RAD51B: variants seen among roughly 807,000 people sequenced by gnomAD.
RAD51B encodes DNA repair protein RAD51 homolog 2.
Under a neutral mutation model 42.2 loss-of-function variants are expected in RAD51B, and 38 were observed. The ratio of observed to expected loss-of-function variants is 0.90; its 90% CI spans 0.70 to 1.18. RAD51B has a LOEUF of 1.18. RAD51B is among the 50% of genes most tolerant of loss of function. RAD51B has a pLI of 0.00. For missense variants in RAD51B, 373 were observed against 400.7 expected (o/e 0.93, Z 0.59); for synonymous variants, 154 against 145.2 (o/e 1.06, Z -0.43).
At chr14:68,324,948 A>G (rs949209434) in intron 8 of RAD51B, among the ~76,000 whole-genome samples, 5 of 152,212 alleles carry the variant, frequency 3.3e-5, no homozygotes, top group Non-Finnish European at 5.9e-5. Context: ...ACTCTGTTGT[A>G]TATGTCTCTG....
chr14:68,597,647 G>A (rs1298306367), downstream of RAD51B, among the ~76,000 whole-genome samples: 1 of 152,168 alleles, frequency 6.6e-6, no homozygotes, highest in African/African-American at 2.4e-5. Flanking sequence ...ACTCATGGGT[G>A]GAGGGAGAAG....
intron 7 of RAD51B, among the ~76,000 whole-genome samples, chr14:67,928,456 G>C (rs886495298): frequency 1.3e-5 from 2 of 152,096 alleles, no homozygotes; most frequent in African/African-American, 4.8e-5. Context: ...GGAGGAGGCG[G>C]TGTCTGATTT....
intron 8 of RAD51B, among the ~76,000 whole-genome samples, chr14:68,409,184 G>T (rs1408998274): frequency 1.3e-5 from 2 of 152,208 alleles, no homozygotes; most frequent in African/African-American, 4.8e-5. Context: ...TATCTCAATA[G>T]AGCTGTTTTT....
intron 8 of RAD51B, among the ~76,000 whole-genome samples, chr14:68,410,701 G>A (rs1236991161): frequency 6.6e-6 from 1 of 152,160 alleles, no homozygotes; most frequent in African/African-American, 2.4e-5. Flanking sequence ...GGGGGAAGGA[G>A]CAGGTAGGGA....
At chr14:67,835,986 T>C (rs2041229287) in intron 4 of RAD51B, among the ~76,000 whole-genome samples, 1 of 152,230 alleles carries the variant, frequency 6.6e-6, no homozygotes, top group African/African-American at 2.4e-5. Context: ...ATTATAGTAT[T>C]AAACTAAAGT....
In RAD51B at chr14:68,187,784, A is replaced by G. The variant is rs1182036974; in HGVS notation, c.757-104100A>G. Among the ~76,000 whole-genome samples the G allele has an allele frequency of 3.3e-5, 5 of 152,208 alleles. No individual in the cohort carries two copies. In the South Asian group the frequency reaches 1.0e-3, roughly 32 times the overall value. ...CTGTTTTGCATCTTTTTCTCTTAAT[A>G]CATTTTGGACATATTTTTATTTTAT... On this transcript the variant is annotated intron_variant, in intron 7 of 10. Transcript: ENST00000471583.
At chr14:68,227,619 C>G (rs759080370) in intron 7 of RAD51B, among the ~76,000 whole-genome samples, 28 of 152,124 alleles carry the variant, frequency 1.8e-4, no homozygotes, top group Non-Finnish European at 2.9e-5. Flanking sequence ...GCAATGGTCC[C>G]TTCAGCCCAG....
rs186591986 is a variant in RAD51B at position 68,316,613 on chromosome 14, C to T, written c.853+24633C>T. 5.1e-4 allele frequency among the ~76,000 whole-genome samples: 78 copies of T among 152,264 alleles called. 1 individual carries two copies. The highest frequency in any genetic ancestry group is 4.3e-4 in the Non-Finnish European group (29 of 68,020). ...TCTGTGGCGACTCTCCTTTCCTTCT[C>T]GGCTGTGAGACAGAACAACAGCGCC... On this transcript the variant is annotated intron_variant, in intron 8 of 10. Transcript: ENST00000471583.
At chr14:68,335,271 T>C (rs1160237211) in intron 8 of RAD51B, among the ~76,000 whole-genome samples, 1 of 130,284 alleles carries the variant, frequency 7.7e-6, no homozygotes, top group Non-Finnish European at 1.6e-5. Context: ...CACTCCAGCC[T>C]GGGTGACAGA....
chr14:68,432,973 G>A lies in RAD51B; in HGVS notation c.957+21446G>A, dbSNP rs2140139760. The stretch of plus-strand genomic sequence containing the variant: ...TGACAAAATCTCTCAGCATTTGCTT[G>A]TCTGTAAAGTATTTTATTTTTCCTT... On this transcript the variant is annotated intron_variant, in intron 9 of 10. Transcript: ENST00000471583. 2.0e-5 allele frequency among the ~76,000 whole-genome samples: 3 copies of A among 152,266 alleles called. No homozygotes were observed. In the South Asian group the frequency reaches 6.2e-4, roughly 32 times the overall value.
intron 7 of RAD51B, among the ~76,000 whole-genome samples, chr14:68,151,298 A>C (rs2078373858): frequency 6.6e-6 from 1 of 150,438 alleles, no homozygotes; most frequent in South Asian, 2.1e-4. Flanking sequence ...GTTCCTCTGC[A>C]TATATATATA....
intron 7 of RAD51B, among the ~76,000 whole-genome samples, chr14:67,948,412 A>G (rs897483215): frequency 3.3e-5 from 5 of 152,198 alleles, no homozygotes; most frequent in Non-Finnish European, 5.9e-5. Flanking sequence ...CTGGAGATAT[A>G]TGCAACCCAG....
chr14:67,825,116 ACT>A (rs1375116383), intron 2 of RAD51B, among the ~76,000 whole-genome samples: 2 of 149,052 alleles, frequency 1.3e-5, no homozygotes, highest in Non-Finnish European at 3.0e-5. Context: ...AAGGAAAGAA[ACT>A]CTTTCAACCT....
intron 9 of RAD51B, among the ~76,000 whole-genome samples, chr14:68,462,646 T>C (rs10130683): frequency 0.44 from 67,266 of 152,048 alleles, 15,844 homozygotes; most frequent in African/African-American, 0.61. Context: ...CTGCCTCAAC[T>C]TCCCAAAGTG....
intron 3 of RAD51B, among the ~76,000 whole-genome samples, chr14:67,826,125 A>G (rs1265106159): frequency 1.3e-5 from 2 of 152,118 alleles, no homozygotes; most frequent in African/African-American, 4.8e-5. Context: ...TTTTTTTTCT[A>G]TAGCCAATAG....
intron 7 of RAD51B, among the ~76,000 whole-genome samples, chr14:68,042,679 T>C (rs2076236458): frequency 6.6e-6 from 1 of 152,202 alleles, no homozygotes; most frequent in African/African-American, 2.4e-5. Flanking sequence ...GAATAAACAT[T>C]CTTTGTGAAG....
chr14:68,012,432 T>TA (rs1566577718), intron 7 of RAD51B, among the ~76,000 whole-genome samples: 221 of 151,092 alleles, frequency 1.5e-3, no homozygotes, highest in African/African-American at 4.7e-3. Flanking sequence ...ACAAAGAATT[T>TA]TATATATATA....
chr14:68,049,737 C>T (rs1005504287), intron 7 of RAD51B, among the ~76,000 whole-genome samples: 1 of 152,206 alleles, frequency 6.6e-6, no homozygotes, highest in Non-Finnish European at 1.5e-5. Context: ...AGCCTCCTTG[C>T]CAGCCTTTTT....
rs74697338 is a variant in RAD51B at position 68,495,338 on chromosome 14, C to T, written c.1036+27088C>T. ...CCCCTTTGTCTTCCACTGGCGCAAC[C>T]GAGAGAGGATTCCTCCGAGCCCCTT... On this transcript the variant is annotated intron_variant, in intron 10 of 10. Transcript: ENST00000487270. Among the ~76,000 whole-genome samples, 29 of 152,266 alleles carry T rather than the reference C, an allele frequency of 1.9e-4. No homozygotes were observed. In the East Asian group the frequency reaches 2.7e-3, roughly 14 times the overall value.
Sources: gnomAD v4.1 joint callset for allele counts (sites outside exome capture counted in the v4.1 genomes callset) on GRCh38, gnomAD v4.1.1 for gene constraint, MANE v1.5 for transcripts, NCBI Gene and HGNC (gene_info 2026-07-23, HGNC 2026-07-21) for gene names.